Variants in RUVBL1 observed in about 807,000 individuals in gnomAD.
The protein encoded by RUVBL1 is RuvB like AAA ATPase 1.
Under a neutral mutation model 52.4 loss-of-function variants are expected in RUVBL1, and 4 were observed. That is an observed-to-expected ratio of 0.08 (90% confidence interval 0.04 to 0.17). The LOEUF (loss-of-function observed/expected upper bound fraction) is 0.17, where lower values mean the gene tolerates loss of function less well. Ranked by LOEUF, RUVBL1 falls within the 10% of genes least tolerant of loss-of-function variation. RUVBL1 has a pLI of 1.00. For synonymous variants in RUVBL1, 217 were observed against 214.4 expected (o/e 1.01, Z -0.10); for missense variants, 298 against 572.8 (o/e 0.52, Z 4.90).
intron 1 of RUVBL1, among the ~76,000 whole-genome samples, chr3:128,130,049 G>C (rs925609375): frequency 1.3e-5 from 2 of 151,954 alleles, no homozygotes; most frequent in African/African-American, 2.4e-5. Flanking sequence ...TTTTTAAAAA[G>C]ATTAAAATGG....
At chr3:128,118,229 C>T (rs1327107254) in intron 2 of RUVBL1, among the ~76,000 whole-genome samples, 2 of 151,946 alleles carry the variant, frequency 1.3e-5, no homozygotes, top group Non-Finnish European at 2.9e-5. Context: ...ATCTGTATGG[C>T]ACTTTACAGT....
At chr3:128,104,984 G>A in intron 3 of RUVBL1, 60 bp from the exon 4 acceptor site, 1 of 1,546,034 alleles carries the variant, frequency 6.5e-7, no homozygotes, top group South Asian at 1.2e-5. Context: ...CACACTGAGA[G>A]CCCAAAACTT....
chr3:128,096,053 T>C (rs1942960831), intron 8 of RUVBL1, among the ~76,000 whole-genome samples: 1 of 152,204 alleles, frequency 6.6e-6, no homozygotes, highest in South Asian at 2.1e-4. Flanking sequence ...AGCTGTGTCC[T>C]GAGATACTCA....
chr3:128,150,857 T>TATATTC (rs1559841509), intron 1 of RUVBL1, among the ~76,000 whole-genome samples: 2 of 81,444 alleles, frequency 2.5e-5, no homozygotes, highest in Non-Finnish European at 4.2e-5. Flanking sequence ...ATTCTATATA[T>TATATTC]TATATATTAT....
intron 6 of RUVBL1, among the ~76,000 whole-genome samples, chr3:128,099,780 G>C (rs963062618): frequency 1.4e-4 from 21 of 152,296 alleles, no homozygotes; most frequent in African/African-American, 5.1e-4. Context: ...CAAGTAGGAG[G>C]GAACTCAAAA....
intron 9 of RUVBL1, among the ~76,000 whole-genome samples, chr3:128,065,898 C>A (rs1262271970): frequency 6.6e-6 from 1 of 151,870 alleles, no homozygotes; most frequent in African/African-American, 2.4e-5. Context: ...CCTGTCACCA[C>A]GCCCGGCTAA....
At chr3:128,065,902 C>T (rs1429552671) in intron 9 of RUVBL1, among the ~76,000 whole-genome samples, 1 of 151,746 alleles carries the variant, frequency 6.6e-6, no homozygotes. Flanking sequence ...TCACCACGCC[C>T]GGCTAATTTT....
At chr3:128,136,228 A>G (rs973245630) in intron 1 of RUVBL1, among the ~76,000 whole-genome samples, 7 of 149,752 alleles carry the variant, frequency 4.7e-5, no homozygotes, top group East Asian at 1.9e-4. Context: ...AAATAATCAG[A>G]AAAAAAAAAC....
chr3:128,089,658 C>T (rs1217942424), intron 8 of RUVBL1, among the ~76,000 whole-genome samples: 5 of 151,768 alleles, frequency 3.3e-5, no homozygotes, highest in East Asian at 1.9e-4. Context: ...CAGGATGAAC[C>T]CTGAAAACAT....
intron 3 of RUVBL1, among the ~76,000 whole-genome samples, chr3:128,109,785 C>T (rs959626734): frequency 1.3e-5 from 2 of 149,328 alleles, no homozygotes; most frequent in South Asian, 4.2e-4. Flanking sequence ...CCACCATGAG[C>T]CATCAGGCCT....
Position 128,101,664 on chromosome 3 carries a change from T to C in RUVBL1, c.514-16A>G, listed in dbSNP as rs757824447. The C allele has an allele frequency of 2.5e-6, 4 of 1,595,582 alleles. No homozygotes were observed. The highest frequency in any genetic ancestry group is 3.4e-6 in the Non-Finnish European group (4 of 1,164,826). ...TGGGGTCCAGCTAAAAAAAAAAATG[T>C]AAATCAGAAGTGTAATACATATTCC... On this transcript the variant is annotated splice_polypyrimidine_tract_variant and intron_variant, in intron 4 of 10. Coordinates refer to ENST00000322623, the MANE Select transcript of RUVBL1 (RefSeq NM_003707.3).
intron 9 of RUVBL1, chr3:128,066,887 G>A: frequency 6.6e-7 from 1 of 1,517,384 alleles, no homozygotes; most frequent in East Asian, 2.3e-5. Context: ...CCCCGGCCGG[G>A]CTGTGTTTCT....
At chr3:128,105,075 T>A in intron 3 of RUVBL1, 151 bp from the exon 4 acceptor site, 1 of 683,790 alleles carries the variant, frequency 1.5e-6, no homozygotes, top group Non-Finnish European at 2.3e-6. Flanking sequence ...AATACAAACA[T>A]ATCAATGTAA....
In RUVBL1 at chr3:128,067,350, G is replaced by T; in HGVS notation, c.940-2130C>A. The stretch of plus-strand genomic sequence containing the variant: ...AAAATTGCATTCTTTCATCTGCTCA[G>T]AACTATTTTTGCCTTGATGCTAAAG... On this transcript the variant is annotated intron_variant, in intron 9 of 9. Coordinates refer to the RUVBL1 transcript ENST00000464873. This position sits in a 1 kb window ranked among gnomAD's most constrained non-coding sequence, Gnocchi z 4.1. 6.7e-7 allele frequency: 1 copy of T among 1,500,600 alleles called. No individual in the cohort carries two copies. The allele number at this position is 1,500,600 out of a possible 1,614,324, so 93.0% of individuals were successfully genotyped here.
chr3:128,081,473 C>A lies in RUVBL1; in HGVS notation c.1212-64G>T. On this transcript the variant is annotated intron_variant, in intron 10 of 10. Coordinates refer to ENST00000322623, the MANE Select transcript of RUVBL1 (RefSeq NM_003707.3). This position sits in a 1 kb window ranked among gnomAD's most constrained non-coding sequence, Gnocchi z 4.8. ...GCCACCGAAGAAAGCACCTTCCCCC[C>A]ACATCAGTAGGCAGCACTGGCACCA... is the stretch of plus-strand genomic sequence containing the variant. The A allele has an allele frequency of 1.3e-6, 2 of 1,531,430 alleles. No homozygotes were observed. The highest frequency in any genetic ancestry group is 1.4e-5 in the African/African-American group (1 of 73,106). 94.9% of individuals were successfully genotyped at this position (1,531,430 alleles called of 1,614,324 possible). A position where few individuals can be genotyped will look rare whatever the true frequency, so the allele number is the denominator to read the frequency against.
chr3:128,102,846 C>T (rs1356245661), intron 4 of RUVBL1, among the ~76,000 whole-genome samples: 1 of 152,268 alleles, frequency 6.6e-6, no homozygotes, highest in Non-Finnish European at 1.5e-5. Context: ...CTGAATAAAG[C>T]TTTTAAAAAA....
chr3:128,126,201 T>TTGTGTGTGTG (rs10576695), upstream of RUVBL1, among the ~76,000 whole-genome samples: 181 of 147,624 alleles, frequency 1.2e-3, 1 homozygote, highest in African/African-American at 4.2e-3. Flanking sequence ...AGTTGTTCCT[T>TTGTGTGTGTG]TGTGTGTGTG....
chr3:128,101,528 G>T (rs778327422), intron 5 of RUVBL1, 31 bp downstream of exon 5: 1 of 1,596,618 alleles, frequency 6.3e-7, no homozygotes, highest in South Asian at 1.1e-5. Context: ...AACAAATCAG[G>T]GACAATGCTG....
At chr3:128,088,282 A>G (rs889117848) in intron 8 of RUVBL1, among the ~76,000 whole-genome samples, 1 of 151,254 alleles carries the variant, frequency 6.6e-6, no homozygotes, top group Admixed American at 6.6e-5. Flanking sequence ...AAAAAAAAAA[A>G]CCAACTTATT....
Sources: gnomAD v4.1 joint callset for allele counts (sites outside exome capture counted in the v4.1 genomes callset) on GRCh38, gnomAD v4.1.1 for gene constraint, Gnocchi (gnomAD v3.1) non-coding constraint, MANE v1.5 for transcripts, NCBI Gene and HGNC (gene_info 2026-07-23, HGNC 2026-07-21) for gene names.